The following SLC22A17 variants were observed in gnomAD, a reference collection of about 807,000 sequenced individuals.
SLC22A17 encodes 24p3 receptor.
In SLC22A17, 38 loss-of-function variants were observed where a neutral mutation model predicts 53.6. The ratio of observed to expected loss-of-function variants is 0.71; its 90% CI spans 0.55 to 0.93. The LOEUF is 0.93. Among genes scored for constraint, SLC22A17 ranks in the 40% least tolerant of loss-of-function variants. The pLI, the probability that SLC22A17 is intolerant of heterozygous loss-of-function variation, is 0.00. For synonymous variants in SLC22A17, 379 were observed against 353.0 expected (o/e 1.07, Z -0.82); for missense variants, 704 against 791.0 (o/e 0.89, Z 1.32).
chr14:23,351,821 A>G, exon 3 of SLC22A17: 1 of 1,613,722 alleles, frequency 6.2e-7, no homozygotes, highest in Non-Finnish European at 8.5e-7. Flanking sequence ...CTGCTCCAGG[A>G]TCACCTGCCA....
Position 23,347,037 on chromosome 14 carries a change from G to T in SLC22A17, c.1661+64C>A, listed in dbSNP as rs1889252995. The T allele has an allele frequency of 2.0e-6, 3 of 1,530,202 alleles. No homozygotes were observed. The highest frequency in any genetic ancestry group is 1.8e-6 in the Non-Finnish European group (2 of 1,137,508). The allele number at this position is 1,530,202 out of a possible 1,614,324, so 94.8% of individuals were successfully genotyped here. On this transcript the variant is annotated intron_variant, in intron 9 of 9. Coordinates refer to ENST00000397267, the Ensembl canonical transcript of SLC22A17. This position sits in a 1 kb window ranked among gnomAD's most constrained non-coding sequence, Gnocchi z 5.1. ...CAGCCCGCAGGCCCTGTCCTCAGGG[G>T]TGGGGTGGGGGAGCGGGAGGCGAGG...
rs1168416441 is a variant in SLC22A17, at chr14:23,347,688, C to T, written c.1321G>A (p.Gly441Arg). 2 of 1,613,898 alleles carry T rather than the reference C, an allele frequency of 1.2e-6. No individual in the cohort carries two copies. The highest frequency in any genetic ancestry group is 2.2e-5 in the East Asian group (1 of 44,894). The change falls in exon 8 of 10, where the codon GGA becomes AGA. Residue 441 changes from glycine to arginine, a missense_variant. Gly to Arg is a moderately radical substitution (Grantham distance 125, BLOSUM62 -2). This residue lies in a region of SLC22A17 where 435 missense variants were observed against 529.0 expected (regional missense o/e 0.82). Coordinates refer to ENST00000397267, the Ensembl canonical transcript of SLC22A17. The surrounding 1 kb of genome is among the most constrained non-coding windows in gnomAD (Gnocchi z 5.1). ...TAGAAGTCCGATGGGCTCCCTCCTCCTCCCACAGGCTGGTAGCAGTGGCGA... is the reference window on the plus strand; with the variant it reads ...TAGAAGTCCGATGGGCTCCCTCCTCTTCCCACAGGCTGGTAGCAGTGGCGA...
chr14:23,347,156 C>T lies in SLC22A17; in HGVS notation c.1606G>A (p.Ala536Thr). 6.2e-7 allele frequency: 1 copy of T among 1,613,974 alleles called. No individual in the cohort carries two copies. Among genetic ancestry groups the T allele is most frequent in the Non-Finnish European group, 8.5e-7 (1 of 1,179,980 alleles). ...AGGAGGGTGCTGAGGATGGCGGCAG[C>T]TTGGGAGGAGAAGAGCCCAAGGACA... Residue 536 changes from alanine (A) to threonine (T), a missense_variant, in exon 9 of 10, where the codon GCT becomes ACT. Transcript: ENST00000397267. This position sits in a 1 kb window ranked among gnomAD's most constrained non-coding sequence, Gnocchi z 5.1.
In SLC22A17 at chr14:23,348,063, G is replaced by A. The variant is rs1595007095; in HGVS notation, c.1172-67C>T. On this transcript the variant is annotated intron_variant, in intron 6 of 9. Transcript: ENST00000397267. This position sits in a 1 kb window ranked among gnomAD's most constrained non-coding sequence, Gnocchi z 4.5. ...ATCCCAGGATCCTCCCACATGGGTG[G>A]TGGGGACCCTGGGAGAAGGTGGCAC... 2 of 1,610,338 alleles carry A rather than the reference G, an allele frequency of 1.2e-6. No individual in the cohort carries two copies. The highest frequency in any genetic ancestry group is 8.5e-7 in the Non-Finnish European group (1 of 1,177,194).
At chr14:23,351,433 C>T (rs1889613993) in intron 3 of SLC22A17, 1 of 297,462 alleles carries the variant, frequency 3.4e-6, no homozygotes, top group Admixed American at 4.8e-5. Context: ...GCGAACAGTC[C>T]ATGTGGGCTG....
chr14:23,349,669 G>C (rs1889500594), intron 3 of SLC22A17: 2 of 566,926 alleles, frequency 3.5e-6, no homozygotes, highest in Non-Finnish European at 6.3e-6. Context: ...TTGGGCTATT[G>C]GTCAGAGATT....
Position 23,347,394 on chromosome 14 carries a change from G to A in SLC22A17, c.1549+66C>T. On this transcript the variant is annotated intron_variant, in intron 8 of 9. Coordinates refer to ENST00000397267, the Ensembl canonical transcript of SLC22A17. This position sits in a 1 kb window ranked among gnomAD's most constrained non-coding sequence, Gnocchi z 5.1. ...CAGGTGGAGGCTCGTGGAAGAGCTG[G>A]GCAGGGTCTGGGGCTTGTCTTGGGA... 2 of 1,571,820 alleles carry A rather than the reference G, an allele frequency of 1.3e-6. No homozygotes were observed. Among genetic ancestry groups the A allele is most frequent in the South Asian group, 1.2e-5 (1 of 83,462 alleles).
chr14:23,349,097 G>C, intron 4 of SLC22A17, 175 bp downstream of exon 4: 1 of 763,782 alleles, frequency 1.3e-6, no homozygotes, highest in Non-Finnish European at 2.2e-6. Context: ...TCGGGAGGGG[G>C]AGATAGGTGT....
At position 23,352,264 on chromosome 14, in the gene SLC22A17, T is replaced by A. The variant is rs1355067415; in HGVS notation, c.284A>T (p.Gln95Leu). The change falls in exon 2 of 10, where the codon CAG (glutamine) becomes CTG (leucine). Residue 95 changes from glutamine to leucine, a missense_variant. By Grantham distance (113) the Gln-to-Leu change is moderately radical. Around this residue, in one of 4 missense-constraint regions of SLC22A17, gnomAD observed 31 missense variants for 62.3 expected, o/e 0.50. Coordinates refer to ENST00000397267, the Ensembl canonical transcript of SLC22A17. This position sits in a 1 kb window ranked among gnomAD's most constrained non-coding sequence, Gnocchi z 7.2. Reference sequence around the variant, plus strand: ...CAGGCAGCAGAGGCCGAGCTGCAGCTGCTGGCCGCCGCCCAGCGCCCCCAC... The same window carrying A: ...CAGGCAGCAGAGGCCGAGCTGCAGCAGCTGGCCGCCGCCCAGCGCCCCCAC... 7.0e-7 allele frequency: 1 copy of A among 1,422,530 alleles called. No individual in the cohort carries two copies. Among genetic ancestry groups the A allele is most frequent in the Admixed American group, 3.2e-5 (1 of 31,574 alleles). The allele number at this position is 1,422,530 out of a possible 1,614,324, so 88.1% of individuals were successfully genotyped here.
Position 23,348,572 on chromosome 14 carries a change from A to G in SLC22A17, c.959T>C (p.Val320Ala), listed in dbSNP as rs753346131. 4 of 1,614,070 alleles carry G rather than the reference A, an allele frequency of 2.5e-6. No homozygotes were observed. The South Asian group carries it at 4.4e-5, about 18-fold the overall frequency. ...CTGTAGGAATCGCCAATCCTTAGAG[A>G]CAAGGGCCAGGCCCAGGAACAGGAA... Residue 320 changes from valine (V) to alanine (A), a missense_variant, in exon 5 of 10, where the codon GTC (valine) becomes GCC (alanine). Around this residue, in one of 4 missense-constraint regions of SLC22A17, gnomAD observed 435 missense variants for 529.0 expected, o/e 0.82. Transcript: ENST00000397267. This position sits in a 1 kb window ranked among gnomAD's most constrained non-coding sequence, Gnocchi z 4.5.
At position 23,348,375 on chromosome 14, in the gene SLC22A17, A is replaced by T. The variant is rs947208215; in HGVS notation, c.1026-69T>A. The T allele has an allele frequency of 3.1e-6, 5 of 1,595,370 alleles. No homozygotes were observed. Among genetic ancestry groups the T allele is most frequent in the Non-Finnish European group, 4.3e-6 (5 of 1,167,918 alleles). On this transcript the variant is annotated intron_variant, in intron 5 of 9. Transcript: ENST00000397267. This position sits in a 1 kb window ranked among gnomAD's most constrained non-coding sequence, Gnocchi z 4.5. ...CCTGATCTAGGGGTGGGAAATGTGCACCTCTGAGGGACTGGGGCTGGGGTA... is the reference window on the plus strand; with the variant it reads ...CCTGATCTAGGGGTGGGAAATGTGCTCCTCTGAGGGACTGGGGCTGGGGTA...
intron 4 of SLC22A17, chr14:23,349,066 G>A (rs1438643616): frequency 1.5e-6 from 1 of 673,350 alleles, no homozygotes; most frequent in Non-Finnish European, 2.6e-6. Context: ...AGTAAGTCCA[G>A]GACAAAGACT....
At position 23,352,191 on chromosome 14, in the gene SLC22A17, C is replaced by A; in HGVS notation, c.357G>T (p.Thr119=). 5 of 1,515,936 alleles carry A rather than the reference C, an allele frequency of 3.3e-6. No individual in the cohort carries two copies. The highest frequency in any genetic ancestry group is 4.4e-6 in the Non-Finnish European group (5 of 1,136,130). The allele number at this position is 1,515,936 out of a possible 1,614,324, so 93.9% of individuals were successfully genotyped here. ...AGTGGCAATGCAGCGGGGGCGCCAG[C>A]GTGAAGATGGGGTCCGAGGCCATGC... The change falls in exon 2 of 10, where the codon ACG becomes ACT. Residue 119 remains threonine (T), a synonymous_variant. Transcript: ENST00000397267. This position sits in a 1 kb window ranked among gnomAD's most constrained non-coding sequence, Gnocchi z 7.2.
chr14:23,348,742 AAGAG>A lies in SLC22A17; in HGVS notation c.860-75_860-72del. On this transcript the variant is annotated intron_variant, in intron 4 of 9. Coordinates refer to ENST00000397267, the Ensembl canonical transcript of SLC22A17. The surrounding 1 kb of genome is among the most constrained non-coding windows in gnomAD (Gnocchi z 4.5). ...GAAGAAGGCATAAGAGAGAAGAAGA[AAGAG>A]GGAGGGAGGAGGACAGAGAGAGAGG... The A allele has an allele frequency of 6.9e-7, 1 of 1,455,862 alleles. No homozygotes were observed. Among genetic ancestry groups the A allele is most frequent in the Admixed American group, 2.3e-5 (1 of 43,342 alleles). 90.2% of individuals were successfully genotyped at this position (1,455,862 alleles called of 1,614,324 possible). A position where few individuals can be genotyped will look rare whatever the true frequency, so the allele number is the denominator to read the frequency against.
At position 23,348,535 on chromosome 14, in the gene SLC22A17, G is replaced by T; in HGVS notation, c.996C>A (p.Thr332=). The change falls in exon 5 of 10, where the codon ACC becomes ACA. Residue 332 remains threonine (T), a synonymous_variant. Transcript: ENST00000397267. The surrounding 1 kb of genome is among the most constrained non-coding windows in gnomAD (Gnocchi z 4.5). ...AAAACAGGAAGAGGATGCAGGGAGC[G>T]GTGATCATTCGCTGTAGGAATCGCC... 6.2e-7 allele frequency: 1 copy of T among 1,614,056 alleles called. No individual in the cohort carries two copies. Among genetic ancestry groups the T allele is most frequent in the Non-Finnish European group, 8.5e-7 (1 of 1,179,978 alleles).
intron 3 of SLC22A17, among the ~76,000 whole-genome samples, chr14:23,349,916 T>C (rs1889517696): frequency 6.6e-6 from 1 of 152,038 alleles, no homozygotes; most frequent in Admixed American, 6.6e-5. Flanking sequence ...TACTGGTCAG[T>C]GAAGGTAAAG....
exon 10 of SLC22A17, chr14:23,346,768 C>G: frequency 1.3e-6 from 2 of 1,544,044 alleles, no homozygotes; most frequent in Non-Finnish European, 1.7e-6. Flanking sequence ...CGGGCAGGAG[C>G]TTGCGCTTGG....
At position 23,347,224 on chromosome 14, in the gene SLC22A17, A is replaced by G; in HGVS notation, c.1550-12T>C. On this transcript the variant is annotated splice_polypyrimidine_tract_variant and intron_variant, in intron 8 of 9. Coordinates refer to ENST00000397267, the Ensembl canonical transcript of SLC22A17. The surrounding 1 kb of genome is among the most constrained non-coding windows in gnomAD (Gnocchi z 5.1). The stretch of plus-strand genomic sequence containing the variant: ...AGCCTCGTTCAGATCTGCAGAAGCA[A>G]GAGGGATGATATGAATGCAGGTGGG... 2.5e-6 allele frequency: 4 copies of G among 1,608,094 alleles called. No individual in the cohort carries two copies. The South Asian group carries it at 4.4e-5, about 18-fold the overall frequency.
Position 23,348,638 on chromosome 14 carries a change from C to T in SLC22A17, c.893G>A (p.Arg298Gln), listed in dbSNP as rs766639453. The change falls in exon 5 of 10, where the codon CGG becomes CAG. Residue 298 changes from arginine to glutamine, a missense_variant. By Grantham distance (43) the Arg-to-Gln change is conservative (BLOSUM62 1). Around this residue, in one of 4 missense-constraint regions of SLC22A17, gnomAD observed 435 missense variants for 529.0 expected, o/e 0.82. Transcript: ENST00000397267. This position sits in a 1 kb window ranked among gnomAD's most constrained non-coding sequence, Gnocchi z 4.5. ...CACCAACTCCCCTGCCAGGGCCACC[C>T]GAAGCCTCTGGGTTGGGTCGCACAG... The T allele has an allele frequency of 6.8e-6, 11 of 1,613,334 alleles. No homozygotes were observed. Among genetic ancestry groups the T allele is most frequent in the East Asian group, 2.2e-5 (1 of 44,882 alleles).
Sources: allele counts gnomAD v4.1 joint callset (sites outside exome capture counted in the v4.1 genomes callset), GRCh38; gene constraint gnomAD v4.1.1; regional missense constraint gnomAD v4.1.1; non-coding constraint Gnocchi (gnomAD v3.1); transcripts MANE v1.5; gene names NCBI Gene and HGNC (gene_info 2026-07-23, HGNC 2026-07-21).